The following TENM4 variants were observed in gnomAD, a reference collection of about 807,000 sequenced individuals.
TENM4 encodes the protein teneurin transmembrane protein 4.
Under a neutral mutation model 243.3 loss-of-function variants are expected in TENM4, and 82 were observed. The observed-to-expected ratio is 0.34, with a 90% confidence interval of 0.28 to 0.40. The LOEUF (loss-of-function observed/expected upper bound fraction) is 0.40, where lower values mean the gene tolerates loss of function less well. Among genes scored for constraint, TENM4 ranks in the 10% least tolerant of loss-of-function variants. TENM4 has a pLI of 1.00. For missense variants in TENM4, 3,138 were observed against 3,673.3 expected (o/e 0.85, Z 3.77); for synonymous variants, 1,412 against 1,456.3 (o/e 0.97, Z 0.69).
intron 6 of TENM4, among the ~76,000 whole-genome samples, chr11:79,018,648 G>T (rs1457136866): frequency 2.6e-5 from 4 of 152,092 alleles, no homozygotes; most frequent in Non-Finnish European, 4.4e-5. Flanking sequence ...ACTCAGAAGA[G>T]GTTTACTTAC....
intron 15 of TENM4, among the ~76,000 whole-genome samples, chr11:78,800,045 C>T (rs538961205): frequency 2.6e-5 from 4 of 152,258 alleles, no homozygotes; most frequent in Non-Finnish European, 5.9e-5. Flanking sequence ...CTTTTGAAAG[C>T]GTACCATGGA....
intron 1 of TENM4, among the ~76,000 whole-genome samples, chr11:79,397,755 G>T (rs866301234): frequency 2.4e-4 from 37 of 152,288 alleles, no homozygotes; most frequent in African/African-American, 7.9e-4. Flanking sequence ...TTTTTAGGGA[G>T]GGCTGGCTGC....
At chr11:78,987,308 TA>T (rs111917957) in intron 6 of TENM4, among the ~76,000 whole-genome samples, 9 of 151,668 alleles carry the variant, frequency 5.9e-5, no homozygotes, top group African/African-American at 1.7e-4. Flanking sequence ...TCACAGCAAT[TA>T]AAAAAAAACT....
chr11:79,310,371 A>G (rs1317874768), intron 1 of TENM4, among the ~76,000 whole-genome samples: 1 of 152,116 alleles, frequency 6.6e-6, no homozygotes, highest in African/African-American at 2.4e-5. Context: ...GCCAGCCAAA[A>G]CTCTGATAAG....
intron 4 of TENM4, among the ~76,000 whole-genome samples, chr11:79,101,638 T>C (rs1861235131): frequency 6.6e-6 from 1 of 152,240 alleles, no homozygotes; most frequent in South Asian, 2.1e-4. Flanking sequence ...GCGCCTCACT[T>C]TCCTCTCAGG....
intron 4 of TENM4, among the ~76,000 whole-genome samples, chr11:79,141,324 G>C (rs750148017): frequency 1.3e-5 from 2 of 152,044 alleles, no homozygotes; most frequent in Non-Finnish European, 2.9e-5. Context: ...AACTGACACT[G>C]CATAAATTCA....
At chr11:79,352,947 CA>C (rs553799218) in intron 1 of TENM4, among the ~76,000 whole-genome samples, 79 of 152,024 alleles carry the variant, frequency 5.2e-4, no homozygotes, top group Non-Finnish European at 8.5e-4. Flanking sequence ...AGAAAAATGA[CA>C]GAGACAGGGA....
chr11:78,864,565 T>G (rs563280317), intron 9 of TENM4, among the ~76,000 whole-genome samples: 1 of 151,294 alleles, frequency 6.6e-6, no homozygotes, highest in East Asian at 2.0e-4. Context: ...GAGATATACA[T>G]GCTTGAGAAG....
At chr11:79,358,990 G>C (rs1245980404) in intron 1 of TENM4, among the ~76,000 whole-genome samples, 1 of 149,842 alleles carries the variant, frequency 6.7e-6, no homozygotes, top group Admixed American at 6.7e-5. Context: ...TCTATGGCTA[G>C]GCATGGTGGC....
chr11:79,409,579 C>G (rs943346712), intron 1 of TENM4, among the ~76,000 whole-genome samples: 3 of 152,146 alleles, frequency 2.0e-5, no homozygotes, highest in African/African-American at 7.2e-5. Flanking sequence ...CGGAACCATT[C>G]TGGCTGCTCC....
intron 4 of TENM4, 21 bp from the exon 5 acceptor site, chr11:79,070,030 G>C: frequency 2.7e-6 from 4 of 1,483,814 alleles, no homozygotes; most frequent in Non-Finnish European, 3.6e-6. Flanking sequence ...GGAAACCAAA[G>C]ATAGGGCGTG....
intron 20 of TENM4, among the ~76,000 whole-genome samples, chr11:78,737,508 T>A (rs1454838794): frequency 6.6e-6 from 1 of 152,138 alleles, no homozygotes; most frequent in Non-Finnish European, 1.5e-5. Flanking sequence ...ATTAAAGAGG[T>A]GCTAAAATCA....
chr11:79,216,688 C>T (rs550686690), intron 2 of TENM4, among the ~76,000 whole-genome samples: 2 of 152,178 alleles, frequency 1.3e-5, no homozygotes, highest in Non-Finnish European at 2.9e-5. Context: ...CACATGTGTT[C>T]ACTTGCCCTT....
At chr11:78,860,618 T>C (rs573119900) in intron 10 of TENM4, among the ~76,000 whole-genome samples, 1 of 152,228 alleles carries the variant, frequency 6.6e-6, no homozygotes, top group Non-Finnish European at 1.5e-5. Context: ...ATGAAAAACA[T>C]ACACTGAGTA....
chr11:79,289,970 T>TG (rs1856326422), intron 2 of TENM4, among the ~76,000 whole-genome samples: 3 of 152,084 alleles, frequency 2.0e-5, no homozygotes, highest in African/African-American at 7.2e-5. Context: ...TTTTTCTTTT[T>TG]TTTTAAGTAG....
At chr11:79,068,354 T>A (rs1298271382) in intron 5 of TENM4, 1 of 152,242 alleles carries the variant, frequency 6.6e-6, no homozygotes, top group Non-Finnish European at 1.5e-5. Context: ...AATCTAGGTC[T>A]GTTTGATGCC....
At chr11:79,218,246 C>CCCA in intron 2 of TENM4, among the ~76,000 whole-genome samples, 1 of 136,334 alleles carries the variant, frequency 7.3e-6, no homozygotes, top group South Asian at 2.4e-4. Context: ...CCACCCCCGA[C>CCCA]ACACACAACC....
At chr11:79,225,908 A>C (rs1485424084) in intron 2 of TENM4, among the ~76,000 whole-genome samples, 1 of 152,190 alleles carries the variant, frequency 6.6e-6, no homozygotes, top group Admixed American at 6.5e-5. Context: ...TACGAAAATG[A>C]GTAATATGAA....
chr11:79,340,253 C>A (rs1352166544), intron 1 of TENM4, among the ~76,000 whole-genome samples: 1 of 152,140 alleles, frequency 6.6e-6, no homozygotes, highest in Non-Finnish European at 1.5e-5. Context: ...GGCATTGGGT[C>A]TTGTCTTCCA....
Sources: gnomAD v4.1 joint callset for allele counts (sites outside exome capture counted in the v4.1 genomes callset) on GRCh38, gnomAD v4.1.1 for gene constraint, MANE v1.5 for transcripts, NCBI Gene and HGNC (gene_info 2026-07-23, HGNC 2026-07-21) for gene names.